Variants in SPG11 observed in about 807,000 individuals in gnomAD.
SPG11 encodes the protein spatacsin.
SPG11 carries 222 observed loss-of-function variants against 274.0 expected under a neutral mutation model. The observed-to-expected ratio is 0.81, with a 90% CI of 0.73 to 0.91. The LOEUF (loss-of-function observed/expected upper bound fraction) is 0.91, where lower values mean the gene tolerates loss of function less well. Ranked by LOEUF, SPG11 falls within the 40% of genes least tolerant of loss-of-function variation. The pLI is 0.00. For synonymous variants in SPG11, 1,144 were observed against 1,039.7 expected (o/e 1.10, Z -1.93); for missense variants, 3,114 against 2,872.7 (o/e 1.08, Z -1.92).
intron 28 of SPG11, among the ~76,000 whole-genome samples, chr15:44,587,984 T>C (rs768308172): frequency 2.0e-5 from 3 of 152,214 alleles, no homozygotes; most frequent in Non-Finnish European, 4.4e-5. Flanking sequence ...TGCCATCTTA[T>C]ATCCACTACA....
rs777287714 is a variant in SPG11 at position 44,589,266 on chromosome 15, T to G, written c.4892A>C (p.His1631Pro). ...KLLQLFVERE[H>P]LFSDGPDVKK... The stretch of plus-strand genomic sequence containing the variant: ...GATTGTCTTACCATCAGAGAAGAGA[T>G]GCTCTCTTTCAACAAAGAGCTGTAA... The change falls in exon 28 of 40, where the codon CAT becomes CCT. Residue 1631 changes from histidine to proline, a missense_variant. His to Pro is a moderately conservative substitution (Grantham distance 77). Coordinates refer to ENST00000261866, the MANE Select transcript of SPG11 (RefSeq NM_025137.4). 1 of 1,613,932 alleles carries G rather than the reference T, an allele frequency of 6.2e-7. No individual in the cohort carries two copies. Among genetic ancestry groups the G allele is most frequent in the Non-Finnish European group, 8.5e-7 (1 of 1,179,910 alleles).
chr15:44,639,152 T>C (rs747932539), intron 7 of SPG11, among the ~76,000 whole-genome samples: 3 of 152,090 alleles, frequency 2.0e-5, no homozygotes, highest in African/African-American at 7.2e-5. Context: ...ATTATCTCAA[T>C]AGATACAGAA....
At chr15:44,660,739 A>C in intron 1 of SPG11, 123 bp from the exon 2 acceptor site, 1 of 874,498 alleles carries the variant, frequency 1.1e-6, no homozygotes, top group Non-Finnish European at 1.8e-6. Flanking sequence ...GTCATTCTAC[A>C]CTTCAATCTA....
rs1488126503 is a variant in SPG11 at position 44,660,538 on chromosome 15, T to G, written c.336A>C (p.Glu112Asp). 30 of 1,614,044 alleles carry G rather than the reference T, an allele frequency of 1.9e-5. No individual in the cohort carries two copies. The highest frequency in any genetic ancestry group is 2.5e-5 in the Non-Finnish European group (29 of 1,180,014). Reference protein sequence around the residue: ...PKLLALGENYELLIYEFNLKD... With the variant: ...PKLLALGENYDLLIYEFNLKD... The stretch of plus-strand genomic sequence containing the variant: ...TCAAATTAAATTCATAGATAAGCAG[T>G]TCATAATTTTCACCAAGAGCGAGCA... The change falls in exon 2 of 40, where the codon GAA (glutamate) becomes GAC (aspartate). Residue 112 changes from glutamate (E) to aspartate (D), a missense_variant. By Grantham distance (45) the Glu-to-Asp change is conservative. Transcript: ENST00000261866.
rs899780217 is a variant in SPG11 at position 44,644,507 on chromosome 15, C to T, written c.1602+4359G>A. 4.6e-5 allele frequency among the ~76,000 whole-genome samples: 7 copies of T among 152,098 alleles called. No individual in the cohort carries two copies. The South Asian group carries it at 6.2e-4, about 14-fold the overall frequency. ...AAGCTGGAAGCACTCTCTGTGAGAACCATAACAAGACAAAAATGTCTACTC... is the reference window on the plus strand; with the variant it reads ...AAGCTGGAAGCACTCTCTGTGAGAATCATAACAAGACAAAAATGTCTACTC... On this transcript the variant is annotated intron_variant, in intron 7 of 39. Coordinates refer to ENST00000261866, the MANE Select transcript of SPG11 (RefSeq NM_025137.4).
At chr15:44,636,539 A>G (rs898213038) in intron 7 of SPG11, among the ~76,000 whole-genome samples, 7 of 151,578 alleles carry the variant, frequency 4.6e-5, no homozygotes, top group African/African-American at 1.7e-4. Context: ...GCGGGCGCCT[A>G]TAATCCCAGC....
chr15:44,622,702 T>G (rs575846240), intron 12 of SPG11, 26 bp downstream of exon 12: 2 of 1,551,814 alleles, frequency 1.3e-6, no homozygotes, highest in East Asian at 4.5e-5. Flanking sequence ...AGAAAATGTA[T>G]ACTATGTAGT....
At chr15:44,577,833 G>GT (rs1428403132) in intron 30 of SPG11, among the ~76,000 whole-genome samples, 2 of 152,098 alleles carry the variant, frequency 1.3e-5, no homozygotes, top group African/African-American at 4.8e-5. Flanking sequence ...GGGCTGAGGT[G>GT]AAGTGTGAGT....
chr15:44,564,738 T>A (rs1025613247), intron 38 of SPG11, 40 bp from the exon 39 acceptor site: 1 of 1,611,880 alleles, frequency 6.2e-7, no homozygotes, highest in Non-Finnish European at 8.5e-7. Flanking sequence ...TCAGAGCCCA[T>A]CTGATGTAAA....
chr15:44,650,502 A>G (rs2141102942), intron 6 of SPG11, among the ~76,000 whole-genome samples: 1 of 151,972 alleles, frequency 6.6e-6, no homozygotes, highest in Middle Eastern at 3.4e-3. Flanking sequence ...AAAAATACAA[A>G]AATTAGCTGG....
chr15:44,656,970 A>G, intron 4 of SPG11, 125 bp downstream of exon 4: 1 of 790,526 alleles, frequency 1.3e-6, no homozygotes, highest in Non-Finnish European at 2.0e-6. Flanking sequence ...TGTATTAGCT[A>G]GAACATGATC....
At chr15:44,656,489 G>A (rs1054472250) in intron 4 of SPG11, among the ~76,000 whole-genome samples, 1 of 152,224 alleles carries the variant, frequency 6.6e-6, no homozygotes, top group Non-Finnish European at 1.5e-5. Flanking sequence ...GGGGTAAAGA[G>A]TGGAAGGTCA....
intron 7 of SPG11, among the ~76,000 whole-genome samples, chr15:44,636,559 G>A (rs995216179): frequency 1.3e-5 from 2 of 152,136 alleles, no homozygotes; most frequent in South Asian, 4.1e-4. Flanking sequence ...CTACTCAGGA[G>A]GCTGAGGCAG....
intron 18 of SPG11, among the ~76,000 whole-genome samples, chr15:44,609,895 A>ATTTTT (rs771457335): frequency 6.6e-5 from 7 of 106,114 alleles, no homozygotes; most frequent in Non-Finnish European, 9.3e-5. Context: ...TGCCCAGCTA[A>ATTTTT]TTTTTTTTTT....
chr15:44,570,949 T>C (rs2140923778), intron 33 of SPG11, among the ~76,000 whole-genome samples: 1 of 152,150 alleles, frequency 6.6e-6, no homozygotes, highest in East Asian at 1.9e-4. Context: ...CTTCTAAACA[T>C]GGAGAAACTT....
Position 44,600,505 on chromosome 15 carries a change from C to T in SPG11, c.3648G>A (p.Leu1216=), listed in dbSNP as rs370282739. 4.2e-5 allele frequency: 68 copies of T among 1,613,924 alleles called. No homozygotes were observed. The South Asian group carries it at 7.1e-4, about 17-fold the overall frequency. ...TCTTGCTCTTGATTAATTCCTGGAC[C>T]AGAAAAGTACCAAATGCAAATGATG... ...GRPSFAFGTF[L]VQELIKSKTP... The change falls in exon 21 of 40, where the codon CTG becomes CTA. Residue 1216 remains leucine (L), a synonymous_variant. Transcript: ENST00000261866.
Position 44,628,678 on chromosome 15 carries a change from G to T in SPG11, c.2058C>A (p.Leu686=). The part of the protein sequence containing the change: ...KVKESNIWKK[L]SFEEVIASAI... ...GATTATTCGTACTTACCTCAAAGCT[G>T]AGTTTCTTCCATATATTGCTCTCCT... Residue 686 remains leucine, a synonymous_variant, in exon 10 of 40, where the codon CTC becomes CTA. Transcript: ENST00000261866. 2 of 1,613,294 alleles carry T rather than the reference G, an allele frequency of 1.2e-6. No homozygotes were observed. Among genetic ancestry groups the T allele is most frequent in the South Asian group, 1.1e-5 (1 of 91,074 alleles).
chr15:44,564,600 TTC>T lies in SPG11; in HGVS notation c.7096_7097del (p.Glu2366IlefsTer2). The T allele has an allele frequency of 1.2e-6, 2 of 1,614,050 alleles. No homozygotes were observed. Among genetic ancestry groups the T allele is most frequent in the Non-Finnish European group, 1.7e-6 (2 of 1,179,888 alleles). ...ILKGDFNYLEEFKQQRLLKSS... is the reference protein window; with the variant it reads ...ILKGDFNYLEXFKQQRLLKSS... ...ACTTTAATAACCTTTGCTGCTTAAATTCTTCCAAGTAATTAAAGTCTCCTTTA... is the reference window on the plus strand; with the variant it reads ...ACTTTAATAACCTTTGCTGCTTAAATTTCCAAGTAATTAAAGTCTCCTTTA... On this transcript the variant is annotated frameshift_variant, in exon 39 of 40. Coordinates refer to ENST00000261866, the MANE Select transcript of SPG11 (RefSeq NM_025137.4). LOFTEE classifies it high-confidence loss of function.
At chr15:44,626,642 G>A in intron 10 of SPG11, 135 bp from the exon 11 acceptor site, 1 of 900,326 alleles carries the variant, frequency 1.1e-6, no homozygotes, top group Non-Finnish European at 1.7e-6. Flanking sequence ...TTTGGAGTTA[G>A]GTTCAAGGGA....
Sources: gnomAD v4.1 joint callset for allele counts (sites outside exome capture counted in the v4.1 genomes callset) on GRCh38, gnomAD v4.1.1 for gene constraint, MANE v1.5 for transcripts, NCBI Gene and HGNC (gene_info 2026-07-23, HGNC 2026-07-21) for gene names.